The following HDAC8 variants were observed in gnomAD, a reference collection of about 807,000 sequenced individuals.
The protein encoded by HDAC8 is histone deacetylase 8.
HDAC8 carries 1 observed loss-of-function variant against 32.2 expected under a neutral mutation model. That is an observed-to-expected ratio of 0.03 (90% CI 0.01 to 0.15). The LOEUF (loss-of-function observed/expected upper bound fraction) is 0.15. Among genes scored for constraint, HDAC8 ranks in the 10% least tolerant of loss-of-function variants. The pLI is 1.00. For missense variants in HDAC8, 117 were observed against 300.0 expected, an observed-to-expected ratio of 0.39 and a Z score of 4.51; for synonymous variants, 108 against 113.9, an observed-to-expected ratio of 0.95 and a Z score of 0.33.
At chrX:72,349,228 G>C (rs1361965181) in intron 10 of HDAC8, among the ~76,000 whole-genome samples, 2 of 112,137 alleles carry the variant, frequency 1.8e-5, no homozygotes, top group Non-Finnish European at 3.8e-5. Flanking sequence ...TCTCCAAAAG[G>C]TTCCAGCACC....
chrX:72,404,052 T>C (rs1427670453), intron 9 of HDAC8, among the ~76,000 whole-genome samples: 1 of 111,977 alleles, frequency 8.9e-6, no homozygotes, highest in Non-Finnish European at 1.9e-5. Flanking sequence ...CCTTTAAAAA[T>C]ATGTTTTTAA....
chrX:72,414,859 C>T (rs150023323), intron 9 of HDAC8, among the ~76,000 whole-genome samples: 4,051 of 111,353 alleles, frequency 0.036, 83 homozygotes, highest in Non-Finnish European at 0.058. Flanking sequence ...GCATGGGCTT[C>T]ACCATTGCAC....
chrX:72,358,592 A>G (rs1342513739), intron 9 of HDAC8, among the ~76,000 whole-genome samples: 2 of 112,010 alleles, frequency 1.8e-5, no homozygotes, highest in African/African-American at 3.3e-5. Context: ...ACAGTATGCA[A>G]TTTAAAACTT....
At chrX:72,449,048 A>C (rs1301880471) in intron 9 of HDAC8, among the ~76,000 whole-genome samples, 1 of 112,237 alleles carries the variant, frequency 8.9e-6, no homozygotes, top group Non-Finnish European at 1.9e-5. Context: ...ATACCATTTG[A>C]CCCAGCAGTC....
chrX:72,520,249 T>C (rs935549180), intron 4 of HDAC8, among the ~76,000 whole-genome samples: 11 of 112,189 alleles, frequency 9.8e-5, no homozygotes, highest in African/African-American at 3.6e-4. Flanking sequence ...TTTAGGTCTC[T>C]TTTCCATTTT....
intron 4 of HDAC8, among the ~76,000 whole-genome samples, chrX:72,506,379 A>C: frequency 8.9e-6 from 1 of 111,858 alleles, no homozygotes; most frequent in Non-Finnish European, 1.9e-5. Flanking sequence ...GGCCTCCCTC[A>C]TACTGCTTCC....
intron 9 of HDAC8, among the ~76,000 whole-genome samples, chrX:72,436,438 T>C (rs375359112): frequency 8.1e-5 from 9 of 111,452 alleles, no homozygotes; most frequent in African/African-American, 2.6e-4. Flanking sequence ...AAGAAAAGAA[T>C]TGTCAGTCCA....
chrX:72,488,843 T>C (rs2048765596), intron 7 of HDAC8, 90 bp downstream of exon 7: 4 of 522,867 alleles, frequency 7.7e-6, no homozygotes, highest in South Asian at 9.2e-5. Context: ...TTTTCTTTTT[T>C]ACATTGTTCT....
At chrX:72,523,641 C>T (rs1556030035) in intron 4 of HDAC8, among the ~76,000 whole-genome samples, 1 of 111,673 alleles carries the variant, frequency 9.0e-6, no homozygotes, top group South Asian at 3.8e-4. Context: ...CCCATCCACT[C>T]TTCTGATCTT....
At chrX:72,443,981 A>G (rs782258808) in intron 9 of HDAC8, among the ~76,000 whole-genome samples, 2,433 of 107,975 alleles carry the variant, frequency 0.023, 75 homozygotes, top group African/African-American at 0.081. Flanking sequence ...CCAAGACTAA[A>G]CCAGGAAGAA....
chrX:72,463,247 A>G (rs2047915560), intron 8 of HDAC8, among the ~76,000 whole-genome samples: 1 of 112,289 alleles, frequency 8.9e-6, no homozygotes, highest in Non-Finnish European at 1.9e-5. Context: ...AAAAAAGGTC[A>G]CTATAGGTTT....
At chrX:72,512,948 C>T (rs1161146363) in intron 4 of HDAC8, among the ~76,000 whole-genome samples, 1 of 111,608 alleles carries the variant, frequency 9.0e-6, no homozygotes, top group Non-Finnish European at 1.9e-5. Context: ...CTTAACCACA[C>T]CAAACTTTTC....
At chrX:72,336,344 A>C (rs956165729) in intron 10 of HDAC8, among the ~76,000 whole-genome samples, 1 of 112,309 alleles carries the variant, frequency 8.9e-6, no homozygotes, top group Non-Finnish European at 1.9e-5. Flanking sequence ...CAAAAGTAAT[A>C]ATGCATTCAG....
At chrX:72,383,038 A>C (rs2045309754) in intron 9 of HDAC8, among the ~76,000 whole-genome samples, 1 of 112,184 alleles carries the variant, frequency 8.9e-6, no homozygotes, top group Non-Finnish European at 1.9e-5. Flanking sequence ...AAAAGCATAC[A>C]AACTGGTCCT....
At chrX:72,562,009 T>C (rs1556121293) in intron 4 of HDAC8, among the ~76,000 whole-genome samples, 1 of 111,841 alleles carries the variant, frequency 8.9e-6, no homozygotes, top group African/African-American at 3.3e-5. Flanking sequence ...AGAATGGCCA[T>C]AATAAAAAAA....
chrX:72,489,633 T>A (rs1045107185), intron 6 of HDAC8, among the ~76,000 whole-genome samples: 12 of 110,213 alleles, frequency 1.1e-4, no homozygotes, highest in African/African-American at 3.6e-4. Context: ...ACGTTAGACC[T>A]AAAACCATAA....
intron 7 of HDAC8, among the ~76,000 whole-genome samples, chrX:72,488,283 C>T (rs2048746972): frequency 9.0e-6 from 1 of 110,833 alleles, no homozygotes; most frequent in Non-Finnish European, 1.9e-5. Flanking sequence ...TTCGGATTTG[C>T]TTTCTCTGCC....
chrX:72,330,144 A>AT (rs1296421288), intron 10 of HDAC8, 68 bp from the exon 11 acceptor site: 1 of 945,114 alleles, frequency 1.1e-6, no homozygotes, highest in South Asian at 2.1e-5. Context: ...CAATAGAGCT[A>AT]TTTTTTAAAA....
intron 4 of HDAC8, among the ~76,000 whole-genome samples, chrX:72,507,193 A>G (rs782637203): frequency 7.3e-4 from 81 of 110,368 alleles, no homozygotes; most frequent in Non-Finnish European, 1.3e-3. Context: ...TAATATGCCT[A>G]ATTTCCAGGA....
Sources: allele counts gnomAD v4.1 joint callset (sites outside exome capture counted in the v4.1 genomes callset), GRCh38; gene constraint gnomAD v4.1.1; transcripts MANE v1.5; gene names NCBI Gene and HGNC (gene_info 2026-07-23, HGNC 2026-07-21).